ADGRB1: variants seen among roughly 807,000 people sequenced by gnomAD.
The protein encoded by ADGRB1 is brain-specific angiogenesis inhibitor 1.
In ADGRB1, 36 loss-of-function variants were observed where a neutral mutation model predicts 175.7. The ratio of observed to expected loss-of-function variants is 0.20; its 90% CI spans 0.16 to 0.27. ADGRB1 has a LOEUF of 0.27. Ranked by LOEUF, ADGRB1 falls within the 10% of genes least tolerant of loss-of-function variation. The pLI is 1.00. For missense variants in ADGRB1, 1,731 were observed against 2,255.3 expected (o/e 0.77, Z 4.71); for synonymous variants, 1,054 against 979.4 (o/e 1.08, Z -1.42).
intron 19 of ADGRB1, among the ~76,000 whole-genome samples, chr8:142,519,014 G>C (rs1438606666): frequency 1.3e-5 from 2 of 152,122 alleles, no homozygotes; most frequent in Non-Finnish European, 2.9e-5. Context: ...GGGGAGGGTG[G>C]CCGAGCTTTC....
At chr8:142,471,656 C>A (rs1840669606) in intron 2 of ADGRB1, among the ~76,000 whole-genome samples, 1 of 152,254 alleles carries the variant, frequency 6.6e-6, no homozygotes, top group Non-Finnish European at 1.5e-5. Context: ...TCGGGGAGCC[C>A]CGCTGCCCCA....
intron 11 of ADGRB1, among the ~76,000 whole-genome samples, chr8:142,483,383 T>TGGTCACACCCTGAGCCC: frequency 1.0e-5 from 1 of 95,584 alleles, no homozygotes; most frequent in Non-Finnish European, 2.0e-5. Context: ...GCCCTGACCC[T>TGGTCACACCCTGAGCCC]GGTCACACCC....
chr8:142,511,970 C>T lies in ADGRB1; in HGVS notation c.2817+897C>T, dbSNP rs961753995. Reference sequence around the variant, plus strand: ...TGGGTGTTGGAGGTGGCATTGCTGGCCCTTGGGGAACCCCGGGTTCGATGT... The same window carrying T: ...TGGGTGTTGGAGGTGGCATTGCTGGTCCTTGGGGAACCCCGGGTTCGATGT... On this transcript the variant is annotated intron_variant, in intron 18 of 30. Transcript: ENST00000517894. This position sits in a 1 kb window ranked among gnomAD's most constrained non-coding sequence, Gnocchi z 4.5. Among the ~76,000 whole-genome samples the T allele has an allele frequency of 6.6e-6, 1 of 152,214 alleles. No individual in the cohort carries two copies. Among genetic ancestry groups the T allele is most frequent in the Non-Finnish European group, 1.5e-5 (1 of 68,026 alleles).
At chr8:142,506,235 C>G (rs539642239) in intron 17 of ADGRB1, among the ~76,000 whole-genome samples, 1 of 152,288 alleles carries the variant, frequency 6.6e-6, no homozygotes, top group East Asian at 1.9e-4. Context: ...TGGTGGTCTG[C>G]AGAGGGGTGG....
intron 2 of ADGRB1, among the ~76,000 whole-genome samples, chr8:142,469,504 AAT>A (rs749697148): frequency 9.3e-6 from 1 of 107,904 alleles, no homozygotes; most frequent in African/African-American, 3.6e-5. Flanking sequence ...TGCATGTGTG[AAT>A]GTGTGTGTAT....
chr8:142,482,035 A>G (rs62511458), intron 11 of ADGRB1, among the ~76,000 whole-genome samples: 1 of 50,534 alleles, frequency 2.0e-5, no homozygotes, highest in Non-Finnish European at 5.7e-5. Flanking sequence ...CTGAGCCCTG[A>G]TCATAGGCTG....
At chr8:142,470,969 C>T (rs1840630807) in intron 2 of ADGRB1, among the ~76,000 whole-genome samples, 1 of 152,148 alleles carries the variant, frequency 6.6e-6, no homozygotes, top group African/African-American at 2.4e-5. Flanking sequence ...GCAGAGGGAG[C>T]GGCAAAGCCT....
intron 25 of ADGRB1, among the ~76,000 whole-genome samples, chr8:142,535,653 T>C (rs1844880905): frequency 6.6e-6 from 1 of 152,144 alleles, no homozygotes; most frequent in Non-Finnish European, 1.5e-5. Flanking sequence ...CAGTCCCTCG[T>C]CTGCCCATGA....
rs1842073626 is a variant in ADGRB1, at chr8:142,493,432, A to G, written c.2675+2617A>G. 6.6e-6 allele frequency among the ~76,000 whole-genome samples: 1 copy of G among 152,048 alleles called. No individual in the cohort carries two copies. Among genetic ancestry groups the G allele is most frequent in the Admixed American group, 6.5e-5 (1 of 15,280 alleles). ...GGCCTCTGTCGACCCTAAAAGTCAC[A>G]GGTGTGGGGAAGGCCCAGGACCCGC... On this transcript the variant is annotated intron_variant, in intron 17 of 30. Coordinates refer to ENST00000517894, the MANE Select transcript of ADGRB1 (RefSeq NM_001702.3). This position sits in a 1 kb window ranked among gnomAD's most constrained non-coding sequence, Gnocchi z 5.0.
At chr8:142,501,947 T>G (rs1338936196) in intron 17 of ADGRB1, among the ~76,000 whole-genome samples, 2 of 140,384 alleles carry the variant, frequency 1.4e-5, no homozygotes, top group Admixed American at 7.1e-5. Context: ...GTGGTGGTAG[T>G]GATGGCTGTG....
chr8:142,505,014 T>G (rs1485437038), intron 17 of ADGRB1, among the ~76,000 whole-genome samples: 2 of 125,714 alleles, frequency 1.6e-5, no homozygotes, highest in African/African-American at 3.0e-5. Flanking sequence ...ACCTGCTTCG[T>G]GGGCCGGCAG....
chr8:142,507,275 G>T (rs550016113), intron 17 of ADGRB1, among the ~76,000 whole-genome samples: 5 of 152,200 alleles, frequency 3.3e-5, no homozygotes, highest in African/African-American at 1.2e-4. Flanking sequence ...CCTGACACAT[G>T]CTGCCAAGGC....
intron 27 of ADGRB1, among the ~76,000 whole-genome samples, chr8:142,541,095 C>T (rs1283286379): frequency 6.6e-6 from 1 of 151,910 alleles, no homozygotes; most frequent in Non-Finnish European, 1.5e-5. Flanking sequence ...TGGGGCAGGA[C>T]ACAGGGGGCA....
intron 13 of ADGRB1, 100 bp downstream of exon 13, chr8:142,484,864 C>T (rs371565193): frequency 4.2e-5 from 38 of 908,996 alleles, no homozygotes; most frequent in South Asian, 3.5e-4. Flanking sequence ...GGGGCAGTGA[C>T]CAGACAGCCT....
At chr8:142,529,270 G>C (rs1229336013) in intron 24 of ADGRB1, among the ~76,000 whole-genome samples, 1 of 152,266 alleles carries the variant, frequency 6.6e-6, no homozygotes, top group East Asian at 1.9e-4. Flanking sequence ...ATGTGTGTAT[G>C]AGTGTGCATA....
chr8:142,514,811 T>C (rs1004516310), intron 18 of ADGRB1, among the ~76,000 whole-genome samples: 1 of 151,576 alleles, frequency 6.6e-6, no homozygotes, highest in African/African-American at 2.4e-5. Context: ...GGGGACAGGG[T>C]GTGATGGGAA....
At chr8:142,454,306 A>G (rs1279382342) in intron 1 of ADGRB1, among the ~76,000 whole-genome samples, 1 of 152,206 alleles carries the variant, frequency 6.6e-6, no homozygotes, top group Non-Finnish European at 1.5e-5. Context: ...AGGTGCAGGC[A>G]GACACCCAGA....
In ADGRB1 at chr8:142,493,768, C is replaced by A. The variant is rs1383281120; in HGVS notation, c.2675+2953C>A. ...CTGGGCAGCCTGGAGCCCTAGAGGG[C>A]GGGCCACGGCTGGCAGGGAAGGACT... On this transcript the variant is annotated intron_variant, in intron 17 of 30. Transcript: ENST00000517894. The surrounding 1 kb of genome is among the most constrained non-coding windows in gnomAD (Gnocchi z 5.0). 6.6e-6 allele frequency among the ~76,000 whole-genome samples: 1 copy of A among 152,240 alleles called. No individual in the cohort carries two copies. Among genetic ancestry groups the A allele is most frequent in the African/African-American group, 2.4e-5 (1 of 41,464 alleles).
rs772937459 is a variant in ADGRB1 at position 142,533,437 on chromosome 8, G to A, written c.3541G>A (p.Val1181Ile). 16 of 1,612,176 alleles carry A rather than the reference G, an allele frequency of 9.9e-6. No individual in the cohort carries two copies. Among genetic ancestry groups the A allele is most frequent in the Middle Eastern group, 1.7e-4 (1 of 6,058 alleles). ...CGACTCGCTGGAGGGCTTCGTCATCGTCATGGTGCACTGTATCCTCCGTAG... is the reference window on the plus strand; with the variant it reads ...CGACTCGCTGGAGGGCTTCGTCATCATCATGGTGCACTGTATCCTCCGTAG... ...VFDSLEGFVI[V>I]MVHCILRREV... is the part of the protein sequence containing the mutation. Residue 1181 changes from valine to isoleucine, a missense_variant, in exon 25 of 31, where the codon GTC (valine) becomes ATC (isoleucine). By Grantham distance (29) the Val-to-Ile change is conservative. Transcript: ENST00000517894.
Sources: allele counts gnomAD v4.1 joint callset (sites outside exome capture counted in the v4.1 genomes callset), GRCh38; gene constraint gnomAD v4.1.1; non-coding constraint Gnocchi (gnomAD v3.1); transcripts MANE v1.5; gene names NCBI Gene and HGNC (gene_info 2026-07-23, HGNC 2026-07-21).